CACNB4: variants seen among roughly 807,000 people sequenced by gnomAD.
CACNB4 encodes calcium voltage-gated channel auxiliary subunit beta 4, also known as voltage-dependent L-type calcium channel subunit beta-4.
Under a neutral mutation model 71.2 loss-of-function variants are expected in CACNB4, and 32 were observed. The ratio of observed to expected loss-of-function variants is 0.45; its 90% CI spans 0.34 to 0.60. CACNB4 has a LOEUF of 0.60. CACNB4 is among the 20% of genes least tolerant of loss of function. The pLI is 0.01. For synonymous variants in CACNB4, 231 were observed against 236.9 expected, an observed-to-expected ratio of 0.97 and a Z score of 0.23; for missense variants, 464 against 647.9, an observed-to-expected ratio of 0.72 and a Z score of 3.08.
intron 2 of CACNB4, among the ~76,000 whole-genome samples, chr2:152,088,749 G>A (rs976905142): frequency 1.3e-5 from 2 of 152,192 alleles, no homozygotes; most frequent in African/African-American, 4.8e-5. Flanking sequence ...CATCCCTTCA[G>A]ATTCAAGTAA....
At chr2:151,839,782 A>G (rs568263268) in intron 13 of CACNB4, among the ~76,000 whole-genome samples, 6 of 152,318 alleles carry the variant, frequency 3.9e-5, no homozygotes, top group East Asian at 1.9e-4. Context: ...AATTGATATA[A>G]TCTTTCTCCT....
At chr2:151,917,320 A>G (rs562680745) in intron 2 of CACNB4, among the ~76,000 whole-genome samples, 1 of 152,146 alleles carries the variant, frequency 6.6e-6, no homozygotes, top group South Asian at 2.1e-4. Context: ...TATAATCCCT[A>G]TATAAGACAG....
At chr2:151,946,304 G>C (rs967714429) in intron 2 of CACNB4, among the ~76,000 whole-genome samples, 4 of 151,328 alleles carry the variant, frequency 2.6e-5, no homozygotes, top group African/African-American at 9.7e-5. Context: ...ACTCCAGCCC[G>C]GGCAACAAGA....
At chr2:151,956,499 A>G (rs2099868296) in intron 2 of CACNB4, among the ~76,000 whole-genome samples, 1 of 152,198 alleles carries the variant, frequency 6.6e-6, no homozygotes, top group Non-Finnish European at 1.5e-5. Context: ...CAAATGCACA[A>G]ACACACCCTA....
Position 151,869,200 on chromosome 2 carries a change from G to A in CACNB4, c.735C>T (p.Phe245=), listed in dbSNP as rs1473191188. ...ACCTCCCATCAAACCTGTGCTTCAG[G>A]AAATCAAAGAGGGCTTTCTGCATCA... is the stretch of plus-strand genomic sequence containing the variant. ...TDMMQKALFD[F]LKHRFDGRIS... is the part of the protein sequence containing the mutation. Residue 245 remains phenylalanine, a synonymous_variant, in exon 9 of 14, where the codon TTC becomes TTT. Transcript: ENST00000539935. The A allele has an allele frequency of 1.9e-6, 3 of 1,570,014 alleles. No homozygotes were observed. Among genetic ancestry groups the A allele is most frequent in the South Asian group, 1.2e-5 (1 of 85,428 alleles).
In CACNB4 at chr2:152,063,276, T is replaced by C. The variant is rs372409252; in HGVS notation, c.147+35054A>G. Among the ~76,000 whole-genome samples the C allele has an allele frequency of 2.5e-4, 38 of 152,294 alleles. No individual in the cohort carries two copies. The Middle Eastern group carries it at 0.01, about 41-fold the overall frequency. On this transcript the variant is annotated intron_variant, in intron 2 of 13. Coordinates refer to ENST00000539935, the MANE Select transcript of CACNB4 (RefSeq NM_000726.5). The stretch of plus-strand genomic sequence containing the variant: ...ATTACAAAATACCCAATTATAGGAA[T>C]TGGTAAATTAAAGATAACAGCCAAC...
At chr2:151,980,155 A>G (rs2099874466) in intron 2 of CACNB4, among the ~76,000 whole-genome samples, 2 of 152,154 alleles carry the variant, frequency 1.3e-5, no homozygotes, top group South Asian at 4.2e-4. Context: ...TGATAACACG[A>G]TTAATAATAA....
intron 11 of CACNB4, 26 bp downstream of exon 11, chr2:151,855,198 C>T: frequency 6.7e-7 from 1 of 1,496,960 alleles, no homozygotes; most frequent in Admixed American, 1.8e-5. Flanking sequence ...CACTTCTAAA[C>T]CTTAAGGCAG....
intron 2 of CACNB4, among the ~76,000 whole-genome samples, chr2:152,077,725 C>T (rs1308498501): frequency 2.0e-5 from 3 of 151,796 alleles, no homozygotes; most frequent in African/African-American, 7.3e-5. Flanking sequence ...AGGGACACTC[C>T]CTCTCAAAAA....
chr2:151,979,545 C>T (rs1212367297), intron 2 of CACNB4, among the ~76,000 whole-genome samples: 1 of 152,054 alleles, frequency 6.6e-6, no homozygotes, highest in Non-Finnish European at 1.5e-5. Flanking sequence ...TTACTTTCCA[C>T]TATTCTCCAA....
intron 2 of CACNB4, among the ~76,000 whole-genome samples, chr2:152,069,503 CTT>C (rs34430081): frequency 0.021 from 2,655 of 128,850 alleles, 83 homozygotes; most frequent in African/African-American, 0.07. Context: ...AAGAACACGC[CTT>C]TTTTTTTTTT....
intron 2 of CACNB4, among the ~76,000 whole-genome samples, chr2:152,027,194 C>A (rs1684028013): frequency 6.6e-6 from 1 of 152,214 alleles, no homozygotes; most frequent in African/African-American, 2.4e-5. Context: ...TGAGCCAGGG[C>A]TCCCAGCCAC....
chr2:151,846,683 A>G (rs532166484), intron 12 of CACNB4, among the ~76,000 whole-genome samples: 1 of 152,090 alleles, frequency 6.6e-6, no homozygotes, highest in Non-Finnish European at 1.5e-5. Flanking sequence ...CTCCTGAGTA[A>G]CTGGGACTAC....
chr2:152,066,097 C>T (rs1686303160), intron 2 of CACNB4, among the ~76,000 whole-genome samples: 1 of 152,202 alleles, frequency 6.6e-6, no homozygotes, highest in Non-Finnish European at 1.5e-5. Flanking sequence ...CGCAACCTCT[C>T]AGCCCCACAT....
chr2:151,859,721 C>T (rs2099841170), intron 10 of CACNB4: 1 of 152,146 alleles, frequency 6.6e-6, no homozygotes, highest in Admixed American at 6.6e-5. Flanking sequence ...GTTTAGTAAT[C>T]CTTCACAAAG....
chr2:151,993,366 A>T (rs745857216), intron 2 of CACNB4, among the ~76,000 whole-genome samples: 1 of 152,112 alleles, frequency 6.6e-6, no homozygotes, highest in African/African-American at 2.4e-5. Context: ...AATGATATTC[A>T]TGGTAGCCAA....
chr2:151,887,191 G>A (rs2099849579), intron 2 of CACNB4, among the ~76,000 whole-genome samples: 3 of 151,852 alleles, frequency 2.0e-5, no homozygotes, highest in Non-Finnish European at 4.4e-5. Context: ...GAAGCCCCAT[G>A]AGCTTATAAT....
chr2:151,848,654 T>C (rs1559860041), intron 12 of CACNB4, among the ~76,000 whole-genome samples: 2 of 152,212 alleles, frequency 1.3e-5, no homozygotes, highest in South Asian at 2.1e-4. Context: ...AAGACTCTAC[T>C]GAGGAGATGA....
intron 10 of CACNB4, among the ~76,000 whole-genome samples, chr2:151,856,267 C>CA (rs2099840296): frequency 6.6e-6 from 1 of 151,484 alleles, no homozygotes; most frequent in Non-Finnish European, 1.5e-5. Flanking sequence ...GGATCATGCC[C>CA]AAAGTCTGAA....
Sources: allele counts gnomAD v4.1 joint callset (sites outside exome capture counted in the v4.1 genomes callset), GRCh38; gene constraint gnomAD v4.1.1; transcripts MANE v1.5; gene names NCBI Gene and HGNC (gene_info 2026-07-23, HGNC 2026-07-21).